IQCH: variants seen among roughly 807,000 people sequenced by gnomAD.
IQCH encodes IQ domain-containing protein H.
IQCH carries 98 observed loss-of-function variants against 117.0 expected under a neutral mutation model. The observed-to-expected ratio is 0.84, with a 90% confidence interval of 0.71 to 0.99. The LOEUF is 0.99. Among genes scored for constraint, IQCH ranks in the 50% least tolerant of loss-of-function variants. The probability of loss-of-function intolerance (pLI) is 0.00; values close to 1 mark genes in which losing one functional copy is unlikely to be tolerated. For synonymous variants in IQCH, 412 were observed against 448.2 expected (o/e 0.92, Z 1.02); for missense variants, 1,102 against 1,243.8 (o/e 0.89, Z 1.72).
chr15:67,338,969 C>A (rs1017036635), intron 5 of IQCH, among the ~76,000 whole-genome samples: 3 of 152,112 alleles, frequency 2.0e-5, no homozygotes, highest in African/African-American at 7.2e-5. Context: ...TTTTCCTCTG[C>A]CAGTAAAGGT....
At chr15:67,304,524 A>G in intron 4 of IQCH, 1 of 760,236 alleles carries the variant, frequency 1.3e-6, no homozygotes. Flanking sequence ...TAGTAGTGTA[A>G]GATGTAATGT....
chr15:67,360,951 GGATGTGTTTACGA>G, intron 8 of IQCH, among the ~76,000 whole-genome samples: 1 of 152,234 alleles, frequency 6.6e-6, no homozygotes, highest in South Asian at 2.1e-4. Context: ...GTTAAAAATA[GGATGTGTTTACGA>G]ACAGTAAGGC....
chr15:67,301,535 AAGT>A (rs1051598166), intron 4 of IQCH, among the ~76,000 whole-genome samples: 2 of 148,936 alleles, frequency 1.3e-5, no homozygotes, highest in Admixed American at 1.4e-4. Flanking sequence ...TCAGCCTCTC[AAGT>A]AGCTGGGACC....
At chr15:67,398,991 A>G (rs1448581629) in intron 13 of IQCH, among the ~76,000 whole-genome samples, 1 of 152,210 alleles carries the variant, frequency 6.6e-6, no homozygotes, top group African/African-American at 2.4e-5. Context: ...TAATTAAGTC[A>G]TCTTGCTATA....
intron 4 of IQCH, among the ~76,000 whole-genome samples, chr15:67,299,348 T>C (rs1322518065): frequency 6.6e-6 from 1 of 151,912 alleles, no homozygotes; most frequent in Non-Finnish European, 1.5e-5. Context: ...ATGAATAAGA[T>C]CTAGTATATC....
intron 13 of IQCH, among the ~76,000 whole-genome samples, chr15:67,398,720 C>T (rs1971545043): frequency 1.3e-5 from 2 of 151,370 alleles, no homozygotes; most frequent in African/African-American, 2.4e-5. Flanking sequence ...TCCTTTCACA[C>T]TCTTTAGTTA....
intron 8 of IQCH, 39 bp from the exon 9 acceptor site, chr15:67,372,072 T>C: frequency 6.6e-7 from 1 of 1,521,158 alleles, no homozygotes; most frequent in African/African-American, 1.4e-5. Context: ...GAGATCATAA[T>C]ATCTTTCACT....
At position 67,327,918 on chromosome 15, in the gene IQCH, G is replaced by A. The variant is rs186500245; in HGVS notation, c.388-9057G>A. On this transcript the variant is annotated intron_variant, in intron 4 of 20. Transcript: ENST00000335894. Reference sequence around the variant, plus strand: ...CCCCCTATTTTCAGCTTTTATGACAGCACTAAACTCCATCCTCTGACTTTC... The same window carrying A: ...CCCCCTATTTTCAGCTTTTATGACAACACTAAACTCCATCCTCTGACTTTC... Among the ~76,000 whole-genome samples, 6 of 152,220 alleles carry A rather than the reference G, an allele frequency of 3.9e-5. No homozygotes were observed. The East Asian group carries it at 1.2e-3, about 29-fold the overall frequency.
At chr15:67,362,269 A>T (rs1253065185) in intron 8 of IQCH, among the ~76,000 whole-genome samples, 2 of 152,086 alleles carry the variant, frequency 1.3e-5, no homozygotes, top group Non-Finnish European at 2.9e-5. Context: ...TGTGTGTTTA[A>T]AACTTTTCCA....
In IQCH at chr15:67,388,298, T is replaced by G. The variant is rs1329102120; in HGVS notation, c.1457-533T>G. 1.3e-5 allele frequency among the ~76,000 whole-genome samples: 2 copies of G among 152,220 alleles called. No individual in the cohort carries two copies. Among genetic ancestry groups the G allele is most frequent in the African/African-American group, 2.4e-5 (1 of 41,466 alleles). On this transcript the variant is annotated intron_variant, in intron 11 of 20. Coordinates refer to ENST00000335894, the MANE Select transcript of IQCH (RefSeq NM_001031715.3). The surrounding 1 kb of genome is among the most constrained non-coding windows in gnomAD (Gnocchi z 5.5). ...TAAGTAATGTACTCCTCTTTGGGAA[T>G]CAAGCAAGGGAAAGGCTGGTTTCCT...
chr15:67,300,234 A>G (rs1567077447), intron 4 of IQCH, among the ~76,000 whole-genome samples: 1 of 152,122 alleles, frequency 6.6e-6, no homozygotes, highest in Non-Finnish European at 1.5e-5. Flanking sequence ...GGATTTTTAT[A>G]TGTTTGAAGT....
chr15:67,317,057 T>C (rs1329821481), intron 4 of IQCH, among the ~76,000 whole-genome samples: 1 of 152,180 alleles, frequency 6.6e-6, no homozygotes, highest in Admixed American at 6.5e-5. Context: ...AGATGAAAAC[T>C]TCCCCAACTA....
intron 18 of IQCH, among the ~76,000 whole-genome samples, chr15:67,485,586 TAAATATAAGGA>T (rs1433656626): frequency 6.6e-6 from 1 of 152,174 alleles, no homozygotes; most frequent in Non-Finnish European, 1.5e-5. Flanking sequence ...TCAGGCAAGA[TAAATATAAGGA>T]AAATCACACC....
Position 67,331,103 on chromosome 15 carries a change from A to G in IQCH, c.388-5872A>G, listed in dbSNP as rs546581966. 2.4e-4 allele frequency among the ~76,000 whole-genome samples: 37 copies of G among 152,302 alleles called. No individual in the cohort carries two copies. In the South Asian group the frequency reaches 7.7e-3, roughly 32 times the overall value. On this transcript the variant is annotated intron_variant, in intron 4 of 20. Transcript: ENST00000335894. Reference sequence around the variant, plus strand: ...AGCTACCCAAGTATGCACAAGAGAAAAAGAAATGATATGGTCACTATATGG... The same window carrying G: ...AGCTACCCAAGTATGCACAAGAGAAGAAGAAATGATATGGTCACTATATGG...
At chr15:67,300,573 A>G (rs764407699) in intron 4 of IQCH, among the ~76,000 whole-genome samples, 1 of 152,198 alleles carries the variant, frequency 6.6e-6, no homozygotes, top group African/African-American at 2.4e-5. Flanking sequence ...CAGTGGGAAT[A>G]TGATATTAAG....
intron 18 of IQCH, among the ~76,000 whole-genome samples, chr15:67,486,759 T>A (rs2083492910): frequency 6.6e-6 from 1 of 152,208 alleles, no homozygotes; most frequent in African/African-American, 2.4e-5. Context: ...GAGGTTAATT[T>A]TTAAAATATA....
intron 8 of IQCH, chr15:67,360,230 G>A (rs972682632): frequency 1.4e-5 from 4 of 288,982 alleles, no homozygotes; most frequent in Admixed American, 4.9e-5. Flanking sequence ...GAAATAAAAT[G>A]TGAAAAATAA....
At chr15:67,400,615 G>A (rs1242177711) in intron 14 of IQCH, among the ~76,000 whole-genome samples, 1 of 151,002 alleles carries the variant, frequency 6.6e-6, no homozygotes, top group Admixed American at 6.6e-5. Flanking sequence ...CTTCTGAGTA[G>A]TGGGGACTAC....
At chr15:67,335,718 C>T (rs1042828978) in intron 4 of IQCH, among the ~76,000 whole-genome samples, 3 of 152,072 alleles carry the variant, frequency 2.0e-5, no homozygotes, top group Non-Finnish European at 1.5e-5. Context: ...CTCATTAAGG[C>T]GAGGCTGGTA....
Sources: gnomAD v4.1 joint callset for allele counts (sites outside exome capture counted in the v4.1 genomes callset) on GRCh38, gnomAD v4.1.1 for gene constraint, Gnocchi (gnomAD v3.1) non-coding constraint, MANE v1.5 for transcripts, NCBI Gene and HGNC (gene_info 2026-07-23, HGNC 2026-07-21) for gene names.